Variants in MAPK14 observed in about 807,000 individuals in gnomAD.
The protein encoded by MAPK14 is CSAID-binding protein.
A neutral mutation model predicts 49.6 loss-of-function variants in MAPK14; 16 were observed. That is an observed-to-expected ratio of 0.32 (90% CI 0.22 to 0.49). The LOEUF is 0.49. Among genes scored for constraint, MAPK14 ranks in the 20% least tolerant of loss-of-function variants. The probability of loss-of-function intolerance (pLI) is 0.99; values close to 1 mark genes in which losing one functional copy is unlikely to be tolerated. For missense variants in MAPK14, 200 were observed against 441.2 expected, an observed-to-expected ratio of 0.45 and a Z score of 4.90; for synonymous variants, 142 against 158.0, an observed-to-expected ratio of 0.90 and a Z score of 0.76.
At chr6:36,038,617 C>T (rs755636957) in intron 1 of MAPK14, among the ~76,000 whole-genome samples, 12 of 152,126 alleles carry the variant, frequency 7.9e-5, no homozygotes, top group South Asian at 2.1e-4. Flanking sequence ...TAGGATAGAA[C>T]GGTGGAGTTA....
At chr6:36,119,042 A>G in the MAPK14 span, among the ~76,000 whole-genome samples, 1 of 152,386 alleles carries the variant, frequency 6.6e-6, no homozygotes, top group Admixed American at 6.5e-5. Flanking sequence ...GTTTAAATGT[A>G]GTAGGTAACA....
intron 7 of MAPK14, among the ~76,000 whole-genome samples, 169 bp from the exon 8 acceptor site, chr6:36,076,368 G>T (rs898853245): frequency 7.9e-5 from 12 of 152,166 alleles, no homozygotes; most frequent in Non-Finnish European, 1.5e-4. Flanking sequence ...CTTTAGTCAG[G>T]TGAAGATCTT....
At chr6:36,103,475 G>A (rs1321369250) in intron 10 of MAPK14, among the ~76,000 whole-genome samples, 2 of 151,968 alleles carry the variant, frequency 1.3e-5, no homozygotes, top group African/African-American at 4.8e-5. Context: ...AAATAGCTAG[G>A]ACTACAGGCA....
chr6:36,034,991 C>T (rs895941982), intron 1 of MAPK14, among the ~76,000 whole-genome samples: 13 of 150,744 alleles, frequency 8.6e-5, no homozygotes, highest in Non-Finnish European at 1.3e-4. Flanking sequence ...CTCCGCCTTC[C>T]GGTTTCAAGT....
chr6:36,060,474 A>T (rs1333800285), intron 3 of MAPK14, among the ~76,000 whole-genome samples: 5 of 152,244 alleles, frequency 3.3e-5, no homozygotes, highest in African/African-American at 1.2e-4. Context: ...GTCACATTGA[A>T]ATTTTGGCAT....
chr6:36,043,047 C>T (rs1350413302), intron 1 of MAPK14, among the ~76,000 whole-genome samples: 1 of 151,682 alleles, frequency 6.6e-6, no homozygotes, highest in African/African-American at 2.4e-5. Context: ...TTGTTGGGGC[C>T]TGGGAAGTCA....
chr6:36,071,162 G>A (rs1225944914), intron 3 of MAPK14, among the ~76,000 whole-genome samples: 2 of 151,676 alleles, frequency 1.3e-5, no homozygotes, highest in Admixed American at 6.6e-5. Flanking sequence ...ATGAAACCCC[G>A]CCTCTACTAA....
chr6:36,061,590 G>A (rs923090178), intron 3 of MAPK14, among the ~76,000 whole-genome samples: 3 of 152,232 alleles, frequency 2.0e-5, no homozygotes, highest in Non-Finnish European at 2.9e-5. Flanking sequence ...CCTCTTGGAA[G>A]CAAATCTCAT....
In MAPK14 at chr6:36,073,496, A is replaced by C. The variant is rs565096647; in HGVS notation, c.418-195A>C. On this transcript the variant is annotated intron_variant, in intron 4 of 11. Coordinates refer to ENST00000229794, the MANE Select transcript of MAPK14 (RefSeq NM_139012.3). ...CAACCAGAAAATAGATTAAAAGCTCAACTGAGTGGAGTCAATGGCTGTGGA... is the reference window on the plus strand; with the variant it reads ...CAACCAGAAAATAGATTAAAAGCTCCACTGAGTGGAGTCAATGGCTGTGGA... Among the ~76,000 whole-genome samples, 7 of 152,356 alleles carry C rather than the reference A, an allele frequency of 4.6e-5. No individual in the cohort carries two copies. The South Asian group carries it at 8.3e-4, about 18-fold the overall frequency.
chr6:36,039,071 GC>G (rs1762856269), intron 1 of MAPK14, among the ~76,000 whole-genome samples: 1 of 151,984 alleles, frequency 6.6e-6, no homozygotes, highest in East Asian at 1.9e-4. Context: ...TAGCTTTGAG[GC>G]CCCAAGGACT....
intron 3 of MAPK14, among the ~76,000 whole-genome samples, chr6:36,066,896 T>C (rs1022129074): frequency 6.6e-6 from 1 of 152,098 alleles, no homozygotes; most frequent in African/African-American, 2.4e-5. Flanking sequence ...CTAATAAACA[T>C]GGTAGTTTTG....
rs1765873933 is a variant in MAPK14 at position 36,108,625 on chromosome 6, G to A, written c.*178G>A. 1 of 621,552 alleles carries A rather than the reference G, an allele frequency of 1.6e-6. No individual in the cohort carries two copies. Among genetic ancestry groups the A allele is most frequent in the South Asian group, 1.8e-5 (1 of 55,364 alleles). 38.5% of individuals were successfully genotyped at this position (621,552 alleles called of 1,614,324 possible). On this transcript the variant is annotated 3_prime_UTR_variant, in exon 12 of 12. Transcript: ENST00000229794. ...GTGCATGTGTGTGTCTGTCTTTGTG[G>A]GAGGGTAAGACAATATGAACAAACT...
chr6:36,089,790 G>A (rs1360012989), intron 8 of MAPK14, among the ~76,000 whole-genome samples: 1 of 152,302 alleles, frequency 6.6e-6, no homozygotes. Flanking sequence ...TTCAGGTACA[G>A]TACTAACTTA....
chr6:36,076,481 C>A (rs1247992064), intron 7 of MAPK14, 56 bp from the exon 8 acceptor site: 1 of 1,291,530 alleles, frequency 7.7e-7, no homozygotes, highest in African/African-American at 1.5e-5. Flanking sequence ...TCATTTGTTG[C>A]CAAGAATTGT....
intron 1 of MAPK14, among the ~76,000 whole-genome samples, chr6:36,037,895 G>A (rs769076255): frequency 5.9e-5 from 9 of 152,002 alleles, no homozygotes; most frequent in East Asian, 3.9e-4. Flanking sequence ...AGGCTGAGGT[G>A]GAGGGATTGC....
At chr6:36,117,610 A>G in the MAPK14 span, among the ~76,000 whole-genome samples, 61 of 152,318 alleles carry the variant, frequency 4.0e-4, no homozygotes, top group African/African-American at 1.4e-3. Flanking sequence ...AAAGAAAAAC[A>G]TATAAAGGTT....
At chr6:36,059,396 AAT>A in intron 3 of MAPK14, 49 bp downstream of exon 3, 1 of 1,277,096 alleles carries the variant, frequency 7.8e-7, no homozygotes, top group Non-Finnish European at 1.1e-6. Context: ...AATGAAGACT[AAT>A]AGCCCATTTC....
downstream of MAPK14, among the ~76,000 whole-genome samples, chr6:36,114,826 G>A (rs145651219): frequency 4.2e-4 from 64 of 152,216 alleles, no homozygotes; most frequent in East Asian, 0.012. Context: ...AGAAAATCTG[G>A]TAATTAAACT....
chr6:36,092,470 C>T, intron 8 of MAPK14: 1 of 627,932 alleles, frequency 1.6e-6, no homozygotes, highest in South Asian at 1.4e-5. Context: ...ACCGCTACAT[C>T]ATCACCAGTC....
Sources: gnomAD v4.1 joint callset for allele counts (sites outside exome capture counted in the v4.1 genomes callset) on GRCh38, gnomAD v4.1.1 for gene constraint, MANE v1.5 for transcripts, NCBI Gene and HGNC (gene_info 2026-07-23, HGNC 2026-07-21) for gene names.